Variants in ADAM10 observed in about 807,000 individuals in gnomAD.
ADAM10 encodes ADAM metallopeptidase domain 10, also known as disintegrin and metalloproteinase domain-containing protein 10.
ADAM10 carries 17 observed loss-of-function variants against 90.1 expected under a neutral mutation model. The ratio of observed to expected loss-of-function variants is 0.19; its 90% CI spans 0.13 to 0.28. The LOEUF (loss-of-function observed/expected upper bound fraction) is 0.28, where lower values mean the gene tolerates loss of function less well. Ranked by LOEUF, ADAM10 falls within the 10% of genes least tolerant of loss-of-function variation. The probability of loss-of-function intolerance (pLI) is 1.00; values close to 1 mark genes in which losing one functional copy is unlikely to be tolerated. For synonymous variants in ADAM10, 310 were observed against 298.6 expected, an observed-to-expected ratio of 1.04 and a Z score of -0.40; for missense variants, 610 against 914.3, an observed-to-expected ratio of 0.67 and a Z score of 4.29.
At chr15:58,680,254 C>A (rs960529914) in intron 3 of ADAM10, among the ~76,000 whole-genome samples, 1 of 152,048 alleles carries the variant, frequency 6.6e-6, no homozygotes, top group Admixed American at 6.5e-5. Flanking sequence ...TCCCTAGTAG[C>A]TGGGACTACA....
intron 14 of ADAM10, among the ~76,000 whole-genome samples, chr15:58,604,376 C>T (rs749649302): frequency 6.6e-6 from 1 of 152,072 alleles, no homozygotes; most frequent in Non-Finnish European, 1.5e-5. Flanking sequence ...TAAAAATAAA[C>T]AAAGAACTTA....
Position 58,716,196 on chromosome 15 carries a change from C to A in ADAM10, c.206+1381G>T, listed in dbSNP as rs189107115. Among the ~76,000 whole-genome samples the A allele has an allele frequency of 1.2e-3, 176 of 152,214 alleles. 1 individual carries two copies. Among genetic ancestry groups the A allele is most frequent in the African/African-American group, 4.0e-3 (168 of 41,532 alleles). Reference sequence around the variant, plus strand: ...AAAATACTTTAAGTTTCACAGCATTCCTAATTATCTGATTTTTCATCCATT... The same window carrying A: ...AAAATACTTTAAGTTTCACAGCATTACTAATTATCTGATTTTTCATCCATT... On this transcript the variant is annotated intron_variant, in intron 2 of 15. Transcript: ENST00000260408.
At chr15:58,610,796 T>C (rs1895417578) in intron 13 of ADAM10, 2 of 635,826 alleles carry the variant, frequency 3.1e-6, no homozygotes, top group Admixed American at 2.7e-5. Flanking sequence ...GGCAACGTTT[T>C]GTCTAGTTTA....
chr15:58,748,859 C>T (rs530754611), intron 1 of ADAM10: 8 of 398,816 alleles, frequency 2.0e-5, no homozygotes, highest in Middle Eastern at 1.3e-3. Context: ...CTCAGATAAG[C>T]GGGTGATGAC....
chr15:58,636,767 T>C (rs1896267081), intron 8 of ADAM10, among the ~76,000 whole-genome samples: 1 of 152,012 alleles, frequency 6.6e-6, no homozygotes, highest in Non-Finnish European at 1.5e-5. Context: ...AAGAGTAATA[T>C]GATACCTTGA....
At chr15:58,614,290 T>C (rs1461484208) in intron 11 of ADAM10, among the ~76,000 whole-genome samples, 1 of 141,412 alleles carries the variant, frequency 7.1e-6, no homozygotes, top group Non-Finnish European at 1.6e-5. Context: ...TGTCTCAAAA[T>C]AAAAAGAAAG....
intron 5 of ADAM10, among the ~76,000 whole-genome samples, chr15:58,660,466 C>T (rs538547792): frequency 2.6e-5 from 4 of 151,642 alleles, no homozygotes; most frequent in East Asian, 3.9e-4. Context: ...AATTAACGTG[C>T]TTAGTCCATT....
At chr15:58,602,513 C>T (rs1187892550) in intron 14 of ADAM10, among the ~76,000 whole-genome samples, 8 of 152,174 alleles carry the variant, frequency 5.3e-5, no homozygotes, top group Admixed American at 3.9e-4. Flanking sequence ...CCAACTTTGG[C>T]GTGGATGCCT....
intron 5 of ADAM10, among the ~76,000 whole-genome samples, chr15:58,650,490 G>A (rs1251463014): frequency 2.6e-5 from 4 of 152,078 alleles, no homozygotes; most frequent in Non-Finnish European, 5.9e-5. Context: ...AGTCCTTCAA[G>A]GTCCCAACCA....
chr15:58,731,568 G>C (rs570624204), intron 1 of ADAM10, among the ~76,000 whole-genome samples: 60 of 152,190 alleles, frequency 3.9e-4, no homozygotes, highest in African/African-American at 1.4e-3. Context: ...GTCGAGGCTG[G>C]GGTTAGCCGT....
chr15:58,688,492 A>G lies in ADAM10; in HGVS notation c.207-6178T>C, dbSNP rs557102956. Among the ~76,000 whole-genome samples, 232 of 152,108 alleles carry G rather than the reference A, an allele frequency of 1.5e-3. 1 individual carries two copies. Among genetic ancestry groups the G allele is most frequent in the African/African-American group, 5.2e-3 (217 of 41,498 alleles). On this transcript the variant is annotated intron_variant, in intron 2 of 15. Coordinates refer to ENST00000260408, the MANE Select transcript of ADAM10 (RefSeq NM_001110.4). ...AAACCAAACCACTAACTATAAAGAA[A>G]TGTGACAAAGAAGAAGAAAATTAGT...
rs555607690 is a variant in ADAM10, at chr15:58,669,461, T to A, written c.485-4264A>T. Among the ~76,000 whole-genome samples, 8 of 152,276 alleles carry A rather than the reference T, an allele frequency of 5.3e-5. No individual in the cohort carries two copies. The South Asian group carries it at 1.0e-3, about 20-fold the overall frequency. On this transcript the variant is annotated intron_variant, in intron 4 of 15. Transcript: ENST00000260408. ...AGGTCAGGAAAAAATTCTAGGAGAT[T>A]ACACCTAAGTTGTATTATCAGCTTG...
At chr15:58,657,187 G>A (rs897089732) in intron 5 of ADAM10, among the ~76,000 whole-genome samples, 4 of 152,016 alleles carry the variant, frequency 2.6e-5, no homozygotes, top group African/African-American at 4.8e-5. Flanking sequence ...GGTTAAATAC[G>A]CTTGGTGCTT....
At chr15:58,672,966 A>G (rs1428040189) in intron 4 of ADAM10, 1 of 212,290 alleles carries the variant, frequency 4.7e-6, no homozygotes, top group African/African-American at 2.3e-5. Context: ...CCTTGTTTAT[A>G]AATTATTTAG....
intron 14 of ADAM10, among the ~76,000 whole-genome samples, chr15:58,605,901 CTAAATA>C (rs1895257944): frequency 6.6e-6 from 1 of 151,936 alleles, no homozygotes; most frequent in Admixed American, 6.6e-5. Flanking sequence ...ATTTGATAAT[CTAAATA>C]TAAACAAAAA....
intron 2 of ADAM10, among the ~76,000 whole-genome samples, chr15:58,685,556 ATATATATATATATATATATATATATATG>A (rs1452403477): frequency 2.2e-5 from 1 of 45,192 alleles, no homozygotes; most frequent in Admixed American, 2.4e-4. Context: ...ATATATATAT[ATATATATATATATATATATATATATATG>A]TATATATACA....
At chr15:58,608,551 G>A (rs570068433) in intron 14 of ADAM10, among the ~76,000 whole-genome samples, 5 of 152,172 alleles carry the variant, frequency 3.3e-5, no homozygotes, top group Admixed American at 1.3e-4. Context: ...GCATATGCCT[G>A]TCAACAATGA....
intron 4 of ADAM10, chr15:58,676,108 AAT>A: frequency 3.3e-6 from 1 of 299,420 alleles, no homozygotes; most frequent in Non-Finnish European, 6.6e-6. Context: ...TTAAAACAGC[AAT>A]AGATGCAAAT....
At chr15:58,710,594 A>C (rs2140805193) in intron 2 of ADAM10, among the ~76,000 whole-genome samples, 1 of 152,368 alleles carries the variant, frequency 6.6e-6, no homozygotes, top group East Asian at 1.9e-4. Flanking sequence ...AAAGCAATGT[A>C]AAATGTACTT....
Sources: gnomAD v4.1 joint callset for allele counts (sites outside exome capture counted in the v4.1 genomes callset) on GRCh38, gnomAD v4.1.1 for gene constraint, MANE v1.5 for transcripts, NCBI Gene and HGNC (gene_info 2026-07-23, HGNC 2026-07-21) for gene names.